Variants in AVEN observed in about 807,000 individuals in gnomAD.
AVEN encodes the protein apoptosis and caspase activation inhibitor, also known as cell death regulator Aven.
A neutral mutation model predicts 38.1 loss-of-function variants in AVEN; 41 were observed. The observed-to-expected ratio is 1.08, with a 90% CI of 0.84 to 1.40. AVEN has a LOEUF of 1.40. Among genes scored for constraint, AVEN ranks in the 40% most tolerant of loss-of-function variants. The pLI is 0.00. For missense variants in AVEN, 605 were observed against 438.8 expected, an observed-to-expected ratio of 1.38 and a Z score of -3.38; for synonymous variants, 206 against 171.8, an observed-to-expected ratio of 1.20 and a Z score of -1.56.
the AVEN span, chr15:33,853,631 A>G: frequency 6.2e-7 from 1 of 1,613,990 alleles, no homozygotes; most frequent in East Asian, 2.2e-5. Flanking sequence ...AATGCTCTTG[A>G]CTTTAGCCCA....
At chr15:33,875,603 T>C (rs116120502) in intron 3 of AVEN, among the ~76,000 whole-genome samples, 3 of 152,266 alleles carry the variant, frequency 2.0e-5, no homozygotes, top group African/African-American at 4.8e-5. Context: ...CTCAAGGGAA[T>C]TGTCAAAGCG....
chr15:33,857,924 C>T (rs1423628492), downstream of AVEN: 2 of 1,379,996 alleles, frequency 1.4e-6, no homozygotes, highest in Middle Eastern at 1.9e-4. Context: ...GGTGAGAGCC[C>T]ACCCACTGCG....
rs371943352 is a variant in AVEN at position 33,975,615 on chromosome 15, G to A, written c.445+27417C>T. Among the ~76,000 whole-genome samples the A allele has an allele frequency of 2.6e-5, 4 of 152,318 alleles. No homozygotes were observed. In the East Asian group the frequency reaches 5.8e-4, roughly 22 times the overall value. On this transcript the variant is annotated intron_variant, in intron 2 of 5. Coordinates refer to ENST00000306730, the MANE Select transcript of AVEN (RefSeq NM_020371.3). ...TAATAGAACTCAGAATTCAGTGTGAGAAAACAACAGAATTTGTTAGAAATA... is the reference window on the plus strand; with the variant it reads ...TAATAGAACTCAGAATTCAGTGTGAAAAAACAACAGAATTTGTTAGAAATA...
At chr15:33,852,232 C>T in the AVEN span, 1 of 152,132 alleles carries the variant, frequency 6.6e-6, no homozygotes, top group Non-Finnish European at 1.5e-5. Flanking sequence ...GGCTGCAATC[C>T]AGTCTTACAA....
At chr15:33,871,713 T>TAAAA (rs1196007903) in intron 3 of AVEN, among the ~76,000 whole-genome samples, 1 of 149,638 alleles carries the variant, frequency 6.7e-6, no homozygotes, top group Non-Finnish European at 1.5e-5. Flanking sequence ...AGGAAAGGGC[T>TAAAA]ATTTAGGCAG....
intron 2 of AVEN, among the ~76,000 whole-genome samples, chr15:33,946,107 C>G (rs932082252): frequency 1.3e-5 from 2 of 152,112 alleles, no homozygotes; most frequent in Non-Finnish European, 2.9e-5. Context: ...AAGGGCCCAG[C>G]TTCTGGTTAA....
upstream of AVEN, among the ~76,000 whole-genome samples, chr15:34,041,036 TC>T (rs1899454255): frequency 6.6e-6 from 1 of 152,140 alleles, no homozygotes; most frequent in South Asian, 2.1e-4. Context: ...AAGTTGAAGA[TC>T]CACACATTAA....
intron 5 of AVEN, among the ~76,000 whole-genome samples, chr15:34,046,343 G>GAAAAAA (rs56286203): frequency 7.1e-6 from 1 of 141,434 alleles, no homozygotes; most frequent in Non-Finnish European, 1.5e-5. Flanking sequence ...AGTGAGGCAG[G>GAAAAAA]AAAAAAAAAA....
intron 2 of AVEN, among the ~76,000 whole-genome samples, chr15:33,976,554 C>T (rs1010588601): frequency 1.3e-5 from 2 of 152,140 alleles, no homozygotes; most frequent in Non-Finnish European, 2.9e-5. Context: ...CAGTAGACAA[C>T]ACACTTTTAT....
intron 1 of AVEN, among the ~76,000 whole-genome samples, chr15:34,017,496 T>TG (rs1324979498): frequency 9.7e-5 from 11 of 113,374 alleles, no homozygotes; most frequent in Non-Finnish European, 1.5e-4. Flanking sequence ...TTTTTTTTTT[T>TG]TTTTGAGACA....
At chr15:33,974,887 G>A (rs868377046) in intron 2 of AVEN, among the ~76,000 whole-genome samples, 21 of 152,226 alleles carry the variant, frequency 1.4e-4, no homozygotes, top group East Asian at 5.8e-4. Flanking sequence ...CCGGAGAATC[G>A]CTTGAACCCA....
At chr15:33,858,303 C>G (rs1184840475), downstream of AVEN, 1 of 180,390 alleles carries the variant, frequency 5.5e-6, no homozygotes, top group African/African-American at 2.4e-5. Flanking sequence ...CTCTCAGGTT[C>G]AAGTGATTCT....
intron 2 of AVEN, among the ~76,000 whole-genome samples, chr15:33,887,503 G>T (rs968132515): frequency 2.0e-5 from 3 of 152,164 alleles, no homozygotes; most frequent in Non-Finnish European, 4.4e-5. Context: ...AAATGGGAAT[G>T]ACTTCAGGAG....
intron 1 of AVEN, among the ~76,000 whole-genome samples, chr15:34,017,838 A>G (rs1005026085): frequency 6.6e-5 from 10 of 152,150 alleles, no homozygotes; most frequent in African/African-American, 1.7e-4. Flanking sequence ...TAAGTAATGC[A>G]CCACATACCA....
rs55793582 is a variant in AVEN, at chr15:33,871,774, C to CAAAAAAAAAAAAAAAAAAAAA, written c.517-745_517-744insTTTTTTTTTTTTTTTTTTTTT. Among the ~76,000 whole-genome samples the CAAAAAAAAAAAAAAAAAAAAA allele has an allele frequency of 5.9e-4, 54 of 91,564 alleles. 1 individual carries two copies. Among genetic ancestry groups the CAAAAAAAAAAAAAAAAAAAAA allele is most frequent in the Admixed American group, 1.1e-3 (9 of 8,244 alleles). 60.1% of individuals were successfully genotyped at this position (91,564 alleles called of 152,430 possible). A position where few individuals can be genotyped will look rare whatever the true frequency, so the allele number is the denominator to read the frequency against. On this transcript the variant is annotated intron_variant, in intron 3 of 5. Transcript: ENST00000306730. The stretch of plus-strand genomic sequence containing the variant: ...AAGGTTTCAAACGAGCTAGTCTCCT[C>CAAAAAAAAAAAAAAAAAAAAA]AAAAAAAAAAAAAAAAAGCCACTTT...
chr15:33,920,117 T>C (rs1263424042), intron 2 of AVEN, among the ~76,000 whole-genome samples: 1 of 152,144 alleles, frequency 6.6e-6, no homozygotes, highest in Non-Finnish European at 1.5e-5. Flanking sequence ...TAATGAGATT[T>C]CTTCTTCTAT....
Position 33,901,625 on chromosome 15 carries a change from C to G in AVEN, c.446-25630G>C, listed in dbSNP as rs376187126. On this transcript the variant is annotated intron_variant, in intron 2 of 5. Transcript: ENST00000306730. ...CATAATGGCTATACCAATCCACATT[C>G]CCACCAACAGTGTGCCAGGGTTCCC... Among the ~76,000 whole-genome samples, 37 of 152,320 alleles carry G rather than the reference C, an allele frequency of 2.4e-4. No individual in the cohort carries two copies. The East Asian group carries it at 3.9e-3, about 16-fold the overall frequency.
chr15:33,866,542 A>G lies in AVEN; in HGVS notation c.*71T>C. ...CATGCTTGTAAACTGGCTGGTCCTG[A>G]AGGACAGCCTTATGCCCACCTGCCG... On this transcript the variant is annotated 3_prime_UTR_variant, in exon 6 of 6. Transcript: ENST00000306730. 4 of 1,173,054 alleles carry G rather than the reference A, an allele frequency of 3.4e-6. No individual in the cohort carries two copies. The South Asian group carries it at 5.2e-5, about 15-fold the overall frequency. 72.7% of individuals were successfully genotyped at this position (1,173,054 alleles called of 1,614,324 possible).
intron 2 of AVEN, among the ~76,000 whole-genome samples, chr15:33,965,813 A>C (rs1381848461): frequency 6.6e-6 from 1 of 152,138 alleles, no homozygotes; most frequent in Non-Finnish European, 1.5e-5. Context: ...CAAGCCATCC[A>C]CCCAACTAGC....
Sources: gnomAD v4.1 joint callset for allele counts (sites outside exome capture counted in the v4.1 genomes callset) on GRCh38, gnomAD v4.1.1 for gene constraint, MANE v1.5 for transcripts, NCBI Gene and HGNC (gene_info 2026-07-23, HGNC 2026-07-21) for gene names.